The following CRB1 variants were observed in gnomAD, a reference collection of about 807,000 sequenced individuals.
CRB1 encodes protein crumbs homolog 1.
In CRB1, 83 loss-of-function variants were observed where a neutral mutation model predicts 120.0. That is an observed-to-expected ratio of 0.69 (90% CI 0.58 to 0.83). CRB1 has a LOEUF of 0.83. CRB1 is among the 40% of genes least tolerant of loss of function. The probability of loss-of-function intolerance (pLI) is 0.00; values close to 1 mark genes in which losing one functional copy is unlikely to be tolerated. For synonymous variants in CRB1, 625 were observed against 612.5 expected (o/e 1.02, Z -0.30); for missense variants, 1,699 against 1,687.6 (o/e 1.01, Z -0.12).
chr1:197,424,398 A>G (rs1372790853), intron 6 of CRB1, among the ~76,000 whole-genome samples: 1 of 152,164 alleles, frequency 6.6e-6, no homozygotes, highest in African/African-American at 2.4e-5. Flanking sequence ...TCTGAAGAAA[A>G]GTATCTCGAG....
chr1:197,372,712 T>TAAAA (rs35605549), intron 5 of CRB1, among the ~76,000 whole-genome samples: 1 of 146,142 alleles, frequency 6.8e-6, no homozygotes, highest in Non-Finnish European at 1.5e-5. Flanking sequence ...TCTGTCTCTT[T>TAAAA]AAAAAAAAAA....
the CRB1 span, among the ~76,000 whole-genome samples, chr1:197,230,045 G>T: frequency 6.6e-6 from 1 of 152,134 alleles, no homozygotes; most frequent in Non-Finnish European, 1.5e-5. Context: ...TGCATTATAT[G>T]TATTAAGTCA....
chr1:197,252,618 T>TGTGTGTGTG, the CRB1 span, among the ~76,000 whole-genome samples: 1 of 96,596 alleles, frequency 1.0e-5, no homozygotes, highest in Non-Finnish European at 2.2e-5. Context: ...GTGTGTGATA[T>TGTGTGTGTG]ATATATGTGT....
chr1:197,377,086 A>G (rs546823108), intron 5 of CRB1, among the ~76,000 whole-genome samples: 1 of 151,860 alleles, frequency 6.6e-6, no homozygotes, highest in South Asian at 2.1e-4. Context: ...GTCTATCTAA[A>G]CCTCCCACAA....
the CRB1 span, among the ~76,000 whole-genome samples, chr1:197,248,980 A>T: frequency 4.6e-5 from 7 of 151,948 alleles, no homozygotes; most frequent in Non-Finnish European, 8.8e-5. Context: ...AAACATATCT[A>T]ACTCACCCCC....
the CRB1 span, among the ~76,000 whole-genome samples, chr1:197,261,653 A>G: frequency 1.3e-5 from 2 of 152,202 alleles, no homozygotes; most frequent in African/African-American, 4.8e-5. Context: ...TTACTTCTGG[A>G]GAGGAGTGTG....
At chr1:197,442,741 G>T (rs1451600808) in intron 11 of CRB1, 6 of 277,130 alleles carry the variant, frequency 2.2e-5, no homozygotes, top group Admixed American at 9.9e-5. Context: ...CCATTTCTGG[G>T]TATTTTCACA....
the CRB1 span, among the ~76,000 whole-genome samples, chr1:197,237,702 G>C: frequency 2.6e-5 from 4 of 152,072 alleles, no homozygotes; most frequent in Admixed American, 1.3e-4. Flanking sequence ...CAGTAGTGAT[G>C]ACTTGTCTTT....
Position 197,328,738 on chromosome 1 carries a change from T to C in CRB1, c.387T>C (p.Pro129=), listed in dbSNP as rs1658674426. Residue 129 remains proline, a synonymous_variant, in exon 2 of 12, where the codon CCT becomes CCC. Transcript: ENST00000367400. ...ATGGAGGTATTTGCCATCAGGACCC[T>C]ATTTATCCTGTCTGCATCTGCCCTG... ...CQHGGICHQD[P]IYPVCICPAG... The C allele has an allele frequency of 6.2e-7, 1 of 1,611,958 alleles. No homozygotes were observed. The highest frequency in any genetic ancestry group is 1.1e-5 in the South Asian group (1 of 90,898).
chr1:197,409,071 T>A (rs1245054798), intron 5 of CRB1, among the ~76,000 whole-genome samples: 1 of 152,194 alleles, frequency 6.6e-6, no homozygotes, highest in Non-Finnish European at 1.5e-5. Context: ...CTGGGCTCAG[T>A]ATTTTTTTTA....
At position 197,434,870 on chromosome 1, in the gene CRB1, A is replaced by T. The variant is rs910299744; in HGVS notation, c.3007A>T (p.Ile1003Phe). 6.2e-7 allele frequency: 1 copy of T among 1,613,874 alleles called. No homozygotes were observed. The change falls in exon 9 of 12, where the codon ATT becomes TTT. Residue 1003 changes from isoleucine (I) to phenylalanine (F), a missense_variant. Physicochemically the swap from Ile to Phe is conservative, Grantham distance 21 (BLOSUM62 0). Transcript: ENST00000367400. ...AGAGCCTGAATTTCTTAATATTAGC[A>T]TTCAAGATTCCAGATTATTCTTTCA... ...EKEPEFLNISIQDSRLFFQLQ... is the reference protein window; with the variant it reads ...EKEPEFLNISFQDSRLFFQLQ...
At chr1:197,361,701 CTATT>C (rs575213855) in intron 5 of CRB1, among the ~76,000 whole-genome samples, 149 of 151,816 alleles carry the variant, frequency 9.8e-4, no homozygotes, top group African/African-American at 3.4e-3. Flanking sequence ...CTAATTTTGA[CTATT>C]TATATCTTTT....
At chr1:197,425,148 C>T (rs1664518582) in intron 6 of CRB1, among the ~76,000 whole-genome samples, 1 of 152,160 alleles carries the variant, frequency 6.6e-6, no homozygotes, top group African/African-American at 2.4e-5. Context: ...ACCTCAGGGG[C>T]TTCAAGGGCC....
intron 5 of CRB1, among the ~76,000 whole-genome samples, chr1:197,376,985 A>G (rs1028547575): frequency 1.3e-5 from 2 of 152,008 alleles, no homozygotes; most frequent in African/African-American, 2.4e-5. Context: ...GGGGTTTTAC[A>G]TTTATTTTTC....
chr1:197,255,003 A>G, the CRB1 span, among the ~76,000 whole-genome samples: 1 of 152,080 alleles, frequency 6.6e-6, no homozygotes, highest in African/African-American at 2.4e-5. Flanking sequence ...ATTTAAAAGC[A>G]TGGTAAGGAC....
At chr1:197,215,350 T>C in the CRB1 span, among the ~76,000 whole-genome samples, 1 of 149,858 alleles carries the variant, frequency 6.7e-6, no homozygotes, top group Non-Finnish European at 1.5e-5. Flanking sequence ...CGATCTCGGC[T>C]CACCACAACC....
At chr1:197,236,872 T>C in the CRB1 span, among the ~76,000 whole-genome samples, 83 of 152,352 alleles carry the variant, frequency 5.4e-4, no homozygotes, top group Non-Finnish European at 1.0e-3. Context: ...TTTGTTGTGG[T>C]ATATAATTCT....
At chr1:197,291,902 G>C (rs1245538990) in intron 1 of CRB1, among the ~76,000 whole-genome samples, 1 of 151,852 alleles carries the variant, frequency 6.6e-6, no homozygotes, top group Admixed American at 6.6e-5. Context: ...AGAATCTCTG[G>C]GACACATTTA....
intron 5 of CRB1, among the ~76,000 whole-genome samples, chr1:197,405,711 C>A (rs1311914560): frequency 6.6e-6 from 1 of 151,524 alleles, no homozygotes; most frequent in African/African-American, 2.4e-5. Context: ...AGGTGAGGAG[C>A]GTCTCTGCCC....
Sources: allele counts gnomAD v4.1 joint callset (sites outside exome capture counted in the v4.1 genomes callset), GRCh38; gene constraint gnomAD v4.1.1; transcripts MANE v1.5; gene names NCBI Gene and HGNC (gene_info 2026-07-23, HGNC 2026-07-21).